The following MAPK10 variants were observed in gnomAD, a reference collection of about 807,000 sequenced individuals.
The protein encoded by MAPK10 is JNK3 alpha protein kinase.
A neutral mutation model predicts 59.3 loss-of-function variants in MAPK10; 25 were observed. The ratio of observed to expected loss-of-function variants is 0.42; its 90% CI spans 0.31 to 0.59. The LOEUF (loss-of-function observed/expected upper bound fraction) is 0.59. Among genes scored for constraint, MAPK10 ranks in the 20% least tolerant of loss-of-function variants. MAPK10 has a pLI of 0.15. For missense variants in MAPK10, 351 were observed against 568.9 expected (o/e 0.62, Z 3.90); for synonymous variants, 190 against 200.5 (o/e 0.95, Z 0.44).
At chr4:86,026,594 G>C (rs374603501) in intron 13 of MAPK10, 1 of 152,096 alleles carries the variant, frequency 6.6e-6, no homozygotes, top group African/African-American at 2.4e-5. Context: ...CATGGGTTTC[G>C]TATTAGAAGT....
At chr4:86,111,308 T>C (rs2057440580) in intron 4 of MAPK10, among the ~76,000 whole-genome samples, 1 of 152,170 alleles carries the variant, frequency 6.6e-6, no homozygotes, top group South Asian at 2.1e-4. Flanking sequence ...TTGTGTCAGT[T>C]TTCAGGGGGA....
chr4:86,075,247 G>A (rs904073560), intron 9 of MAPK10, among the ~76,000 whole-genome samples: 1 of 151,996 alleles, frequency 6.6e-6, no homozygotes, highest in African/African-American at 2.4e-5. Flanking sequence ...AGCTCCATCA[G>A]CTCCTTTAAG....
At chr4:86,353,788 T>A (rs1334882326) in intron 2 of MAPK10, among the ~76,000 whole-genome samples, 1 of 152,156 alleles carries the variant, frequency 6.6e-6, no homozygotes, top group Non-Finnish European at 1.5e-5. Context: ...TGGAGTCTTA[T>A]AAGCACCACA....
At chr4:86,172,897 TAC>T (rs1301624634) in intron 3 of MAPK10, among the ~76,000 whole-genome samples, 1 of 151,922 alleles carries the variant, frequency 6.6e-6, no homozygotes, top group East Asian at 1.9e-4. Context: ...TGCCTAGGAA[TAC>T]AGTTAACAAG....
rs538714487 is a variant in MAPK10 at position 86,410,813 on chromosome 4, G to T, written c.-122+42217C>A. Among the ~76,000 whole-genome samples the T allele has an allele frequency of 2.0e-5, 3 of 152,028 alleles. No homozygotes were observed. In the South Asian group the frequency reaches 6.2e-4, roughly 32 times the overall value. ...ATCTCTTTTCTTCTTTATTAGTCTTGCTAGTGGTCCATTTTGTAGATCTTT... is the reference window on the plus strand; with the variant it reads ...ATCTCTTTTCTTCTTTATTAGTCTTTCTAGTGGTCCATTTTGTAGATCTTT... On this transcript the variant is annotated intron_variant, in intron 1 of 13. Transcript: ENST00000361569.
chr4:86,189,675 A>G (rs1465654683), intron 3 of MAPK10, among the ~76,000 whole-genome samples: 1 of 152,190 alleles, frequency 6.6e-6, no homozygotes, highest in African/African-American at 2.4e-5. Flanking sequence ...TTCTAAATAT[A>G]CAATCATGTC....
chr4:86,257,617 C>A (rs115852586), intron 2 of MAPK10, among the ~76,000 whole-genome samples: 168 of 152,276 alleles, frequency 1.1e-3, no homozygotes, highest in African/African-American at 3.8e-3. Flanking sequence ...GTTTGATAAT[C>A]TTGCCTCACA....
intron 2 of MAPK10, among the ~76,000 whole-genome samples, chr4:86,208,075 A>C (rs191580742): frequency 0.084 from 12,841 of 152,028 alleles, 1,196 homozygotes; most frequent in African/African-American, 0.23. Context: ...CAATAACAGG[A>C]TCTGAAATTG....
At chr4:86,464,984 T>A (rs1752071236) in intron 1 of MAPK10, among the ~76,000 whole-genome samples, 1 of 152,194 alleles carries the variant, frequency 6.6e-6, no homozygotes, top group Admixed American at 6.5e-5. Context: ...ATGTCTCTGG[T>A]CTCAAACACA....
intron 2 of MAPK10, among the ~76,000 whole-genome samples, chr4:86,331,189 C>A (rs1293685629): frequency 6.6e-6 from 1 of 152,150 alleles, no homozygotes; most frequent in African/African-American, 2.4e-5. Flanking sequence ...TCAAGCTTGA[C>A]TTAAACCACC....
chr4:86,092,291 T>C (rs2053385605), intron 9 of MAPK10, among the ~76,000 whole-genome samples: 1 of 152,130 alleles, frequency 6.6e-6, no homozygotes, highest in African/African-American at 2.4e-5. Flanking sequence ...TCACTATTCC[T>C]AGAGAATATT....
At chr4:86,408,745 GTTGT>G (rs1350585928) in intron 1 of MAPK10, among the ~76,000 whole-genome samples, 13 of 152,262 alleles carry the variant, frequency 8.5e-5, no homozygotes, top group Admixed American at 2.6e-4. Flanking sequence ...TTTTGATGGG[GTTGT>G]TTGTTTTTTT....
chr4:86,466,458 T>C (rs1348458059), intron 1 of MAPK10, among the ~76,000 whole-genome samples: 1 of 152,206 alleles, frequency 6.6e-6, no homozygotes, highest in East Asian at 1.9e-4. Flanking sequence ...TCAAATGATA[T>C]GGCCCGTTGT....
At chr4:86,082,553 T>A (rs1220324973) in intron 9 of MAPK10, among the ~76,000 whole-genome samples, 1 of 152,154 alleles carries the variant, frequency 6.6e-6, no homozygotes, top group Non-Finnish European at 1.5e-5. Flanking sequence ...GAAAAAGTTA[T>A]AGGGAAAGAC....
At chr4:86,119,263 T>C (rs535774875) in intron 4 of MAPK10, among the ~76,000 whole-genome samples, 1 of 152,302 alleles carries the variant, frequency 6.6e-6, no homozygotes, top group African/African-American at 2.4e-5. Context: ...CTACGCACTT[T>C]TGCCTTCGAT....
At chr4:86,482,264 C>G (rs1400002334) in intron 1 of MAPK10, among the ~76,000 whole-genome samples, 1 of 152,066 alleles carries the variant, frequency 6.6e-6, no homozygotes, top group African/African-American at 2.4e-5. Context: ...TTCCCTGCAC[C>G]TAATAGAGCA....
chr4:86,256,873 T>A (rs890044726), intron 2 of MAPK10, among the ~76,000 whole-genome samples: 2 of 151,248 alleles, frequency 1.3e-5, no homozygotes, highest in Non-Finnish European at 3.0e-5. Context: ...CCCGAGTAGC[T>A]GGGACTACAG....
At chr4:86,033,991 G>C (rs930489423) in intron 11 of MAPK10, among the ~76,000 whole-genome samples, 1 of 151,904 alleles carries the variant, frequency 6.6e-6, no homozygotes. Context: ...TTGAGCACTC[G>C]CTTGTGCTCT....
intron 11 of MAPK10, among the ~76,000 whole-genome samples, chr4:86,041,280 T>C (rs1313470751): frequency 1.3e-5 from 2 of 152,216 alleles, no homozygotes; most frequent in Non-Finnish European, 2.9e-5. Flanking sequence ...CCTAGCCATA[T>C]GCAGAAAACT....
Sources: allele counts gnomAD v4.1 joint callset (sites outside exome capture counted in the v4.1 genomes callset), GRCh38; gene constraint gnomAD v4.1.1; transcripts MANE v1.5; gene names NCBI Gene and HGNC (gene_info 2026-07-23, HGNC 2026-07-21).